EXT2: variants seen among roughly 807,000 people sequenced by gnomAD.
The protein encoded by EXT2 is exostosin glycosyltransferase 2.
In EXT2, 53 loss-of-function variants were observed where a neutral mutation model predicts 81.6. That is an observed-to-expected ratio of 0.65 (90% CI 0.52 to 0.82). The LOEUF (loss-of-function observed/expected upper bound fraction) is 0.82. Ranked by LOEUF, EXT2 falls within the 40% of genes least tolerant of loss-of-function variation. EXT2 has a pLI of 0.00. For synonymous variants in EXT2, 320 were observed against 340.0 expected, an observed-to-expected ratio of 0.94 and a Z score of 0.65; for missense variants, 774 against 910.2, an observed-to-expected ratio of 0.85 and a Z score of 1.93.
At chr11:44,239,662 A>G (rs918719805) in intron 13 of EXT2, among the ~76,000 whole-genome samples, 3 of 131,518 alleles carry the variant, frequency 2.3e-5, no homozygotes, top group Non-Finnish European at 4.7e-5. Flanking sequence ...AAGTGCTGGG[A>G]TTACAGGCAT....
intron 10 of EXT2, among the ~76,000 whole-genome samples, chr11:44,227,677 C>T (rs1955853005): frequency 6.6e-6 from 1 of 152,184 alleles, no homozygotes; most frequent in Non-Finnish European, 1.5e-5. Context: ...CAAAAGACCT[C>T]AGGAGGCTCA....
At chr11:44,122,441 G>A (rs957623851) in intron 4 of EXT2, among the ~76,000 whole-genome samples, 12 of 152,096 alleles carry the variant, frequency 7.9e-5, no homozygotes, top group African/African-American at 2.2e-4. Context: ...GATGAACTGC[G>A]GGTGCTCCCT....
At chr11:44,164,997 G>A (rs1408456398) in intron 7 of EXT2, among the ~76,000 whole-genome samples, 1 of 150,728 alleles carries the variant, frequency 6.6e-6, no homozygotes, top group Non-Finnish European at 1.5e-5. Context: ...TCCTGCCTCA[G>A]CCTCCCAAGT....
chr11:44,210,526 G>A (rs541940296), intron 10 of EXT2, among the ~76,000 whole-genome samples: 5 of 152,210 alleles, frequency 3.3e-5, no homozygotes, highest in African/African-American at 9.6e-5. Flanking sequence ...CAGGAGGGAC[G>A]AATAACAGAG....
intron 7 of EXT2, among the ~76,000 whole-genome samples, chr11:44,149,782 A>T (rs950098265): frequency 6.6e-6 from 1 of 152,192 alleles, no homozygotes; most frequent in Non-Finnish European, 1.5e-5. Context: ...TTCGAAATGG[A>T]TGACATGTGC....
At chr11:44,160,357 T>G (rs1261167654) in intron 7 of EXT2, among the ~76,000 whole-genome samples, 1 of 152,260 alleles carries the variant, frequency 6.6e-6, no homozygotes, top group African/African-American at 2.4e-5. Context: ...TGATGTGACC[T>G]CATTTGCTTG....
intron 7 of EXT2, among the ~76,000 whole-genome samples, chr11:44,134,630 AAAG>A (rs1413469812): frequency 2.6e-5 from 4 of 152,222 alleles, no homozygotes; most frequent in Admixed American, 2.6e-4. Context: ...TCACAAAGAA[AAAG>A]TACACAATCT....
chr11:44,108,161 C>T lies in EXT2; in HGVS notation c.449C>T (p.Ala150Val), dbSNP rs1226564280. ...SDYYTDDINR[A>V]CLFVPSIDVL... ...TACTACACTGATGACATCAACCGGG[C>T]CTGTCTGTTTGTTCCCTCCATCGAT... is the stretch of plus-strand genomic sequence containing the variant. The change falls in exon 2 of 14, where the codon GCC becomes GTC. Residue 150 changes from alanine (A) to valine (V), a missense_variant. Ala to Val is a moderately conservative substitution (Grantham distance 64). Transcript: ENST00000533608. The T allele has an allele frequency of 5.0e-6, 8 of 1,614,098 alleles. No homozygotes were observed. In the South Asian group the frequency reaches 8.8e-5, roughly 18 times the overall value.
At chr11:44,127,778 G>C (rs2135022943) in intron 6 of EXT2, among the ~76,000 whole-genome samples, 1 of 143,614 alleles carries the variant, frequency 7.0e-6, no homozygotes, top group South Asian at 2.2e-4. Context: ...TTTGTAGTCA[G>C]AGTTGAGAAC....
At chr11:44,173,078 G>T (rs535682414) in intron 8 of EXT2, among the ~76,000 whole-genome samples, 2 of 152,134 alleles carry the variant, frequency 1.3e-5, no homozygotes, top group Non-Finnish European at 2.9e-5. Flanking sequence ...GAAGCTCTCC[G>T]CTGATTTGGG....
intron 7 of EXT2, among the ~76,000 whole-genome samples, chr11:44,145,778 C>G (rs1305420265): frequency 6.6e-6 from 1 of 152,068 alleles, no homozygotes; most frequent in East Asian, 1.9e-4. Context: ...CTCTTTTGTC[C>G]TTGTTTAGAG....
chr11:44,124,772 G>A lies in EXT2; in HGVS notation c.744-17G>A. ...ACCAGCTGCAATTTTCCAATCACCT[G>A]TTTTTTTCCCTTGTAGTCCACGGCA... On this transcript the variant is annotated splice_polypyrimidine_tract_variant and intron_variant, in intron 4 of 13. Coordinates refer to ENST00000533608, the MANE Select transcript of EXT2 (RefSeq NM_207122.2). 6.2e-7 allele frequency: 1 copy of A among 1,613,504 alleles called. No homozygotes were observed. The highest frequency in any genetic ancestry group is 8.5e-7 in the Non-Finnish European group (1 of 1,179,642).
At chr11:44,165,130 G>A (rs1954978024) in intron 7 of EXT2, among the ~76,000 whole-genome samples, 2 of 151,962 alleles carry the variant, frequency 1.3e-5, no homozygotes, top group South Asian at 2.1e-4. Context: ...CGCCCGCCTC[G>A]GCCTCCCAAA....
chr11:44,217,347 A>G (rs1022573541), intron 10 of EXT2, among the ~76,000 whole-genome samples: 3 of 152,142 alleles, frequency 2.0e-5, no homozygotes, highest in African/African-American at 7.2e-5. Flanking sequence ...AATACCGGGT[A>G]TCATTATTTA....
chr11:44,177,040 A>T (rs928440312), intron 8 of EXT2, among the ~76,000 whole-genome samples: 7 of 152,154 alleles, frequency 4.6e-5, no homozygotes, highest in Non-Finnish European at 1.0e-4. Flanking sequence ...TAGGGTGATG[A>T]CATTATCCAC....
intron 7 of EXT2, chr11:44,144,433 G>T (rs1954688661): frequency 9.2e-7 from 1 of 1,091,438 alleles, no homozygotes; most frequent in East Asian, 2.4e-5. Flanking sequence ...TTGGTCAGTG[G>T]CTCCTGCTTT....
chr11:44,129,263 A>G (rs1954454629), intron 6 of EXT2, among the ~76,000 whole-genome samples: 1 of 152,206 alleles, frequency 6.6e-6, no homozygotes, highest in East Asian at 1.9e-4. Context: ...TGGTTAGGTT[A>G]TATCATGCTT....
rs143503231 is a variant in EXT2 at position 44,106,078 on chromosome 11, A to G, written c.-30-1605A>G. On this transcript the variant is annotated intron_variant, in intron 1 of 13. Transcript: ENST00000533608. Reference sequence around the variant, plus strand: ...TTCGAAGAGTGCAAAGGCAGACTCTATAGGGCCTCTCAAGTCTTGTGCTCA... The same window carrying G: ...TTCGAAGAGTGCAAAGGCAGACTCTGTAGGGCCTCTCAAGTCTTGTGCTCA... 2.5e-3 allele frequency among the ~76,000 whole-genome samples: 378 copies of G among 152,354 alleles called. 4 individuals are homozygous for G. Among genetic ancestry groups the G allele is most frequent in the African/African-American group, 8.6e-3 (358 of 41,584 alleles).
chr11:44,240,056 A>G (rs190617090), intron 13 of EXT2, among the ~76,000 whole-genome samples: 1 of 152,312 alleles, frequency 6.6e-6, no homozygotes, highest in East Asian at 1.9e-4. Flanking sequence ...TTAGGGAAAA[A>G]TGACATGAAA....
Sources: gnomAD v4.1 joint callset for allele counts (sites outside exome capture counted in the v4.1 genomes callset) on GRCh38, gnomAD v4.1.1 for gene constraint, MANE v1.5 for transcripts, NCBI Gene and HGNC (gene_info 2026-07-23, HGNC 2026-07-21) for gene names.